The following RRP12 variants were observed in gnomAD, a reference collection of about 807,000 sequenced individuals.
The protein encoded by RRP12 is ribosomal RNA processing 12 homolog.
A neutral mutation model predicts 157.3 loss-of-function variants in RRP12; 78 were observed. The ratio of observed to expected loss-of-function variants is 0.50; its 90% CI spans 0.41 to 0.60. The LOEUF is 0.60. RRP12 is among the 20% of genes least tolerant of loss of function. The pLI is 0.00. For missense variants in RRP12, 1,521 were observed against 1,679.9 expected, an observed-to-expected ratio of 0.91 and a Z score of 1.65; for synonymous variants, 726 against 670.9, an observed-to-expected ratio of 1.08 and a Z score of -1.27.
chr10:97,375,925 G>A (rs966402007), intron 15 of RRP12, among the ~76,000 whole-genome samples: 5 of 152,258 alleles, frequency 3.3e-5, no homozygotes, highest in African/African-American at 9.6e-5. Context: ...CCAACATGGC[G>A]AAAACTTGTC....
rs763314972 is a variant in RRP12 at position 97,400,479 on chromosome 10, C to A, written c.195G>T (p.Gly65=). Reference sequence around the variant, plus strand: ...CTTCGCTTTTGCCCAAGCGCAAGGACCCTGACTGCAGCTCATTATGTAACT... The same window carrying A: ...CTTCGCTTTTGCCCAAGCGCAAGGAACCTGACTGCAGCTCATTATGTAACT... ...AVKLHNELQS[G]SLRLGKSEAP... is the part of the protein sequence containing the mutation. Residue 65 remains glycine (G), a synonymous_variant, in exon 2 of 34, where the codon GGG becomes GGT. Transcript: ENST00000370992. The A allele has an allele frequency of 1.2e-5, 19 of 1,614,012 alleles. No homozygotes were observed. Among genetic ancestry groups the A allele is most frequent in the East Asian group, 1.1e-4 (5 of 44,902 alleles).
chr10:97,396,741 G>A (rs1039943945), intron 2 of RRP12, among the ~76,000 whole-genome samples: 4 of 152,038 alleles, frequency 2.6e-5, no homozygotes, highest in African/African-American at 9.7e-5. Flanking sequence ...TAGTATTTGT[G>A]TATAACCTAT....
chr10:97,373,428 C>T (rs1180622766), intron 17 of RRP12, 147 bp downstream of exon 17: 2 of 1,059,110 alleles, frequency 1.9e-6, no homozygotes, highest in South Asian at 1.7e-5. Flanking sequence ...AAAGTTATCC[C>T]CTGGGGTCTG....
At chr10:97,365,789 GGAA>G in intron 29 of RRP12, 1 of 254,940 alleles carries the variant, frequency 3.9e-6, no homozygotes, top group South Asian at 5.0e-5. Flanking sequence ...AAAAGAGGAA[GGAA>G]GAAAAGGAGA....
intron 21 of RRP12, 54 bp downstream of exon 21, chr10:97,370,869 T>C: frequency 6.2e-7 from 1 of 1,611,020 alleles, no homozygotes; most frequent in South Asian, 1.1e-5. Flanking sequence ...AGTGGCTCCT[T>C]TCCTGGTGTT....
intron 26 of RRP12, 45 bp downstream of exon 26, chr10:97,366,996 C>T (rs746876909): frequency 5.0e-6 from 8 of 1,610,584 alleles, no homozygotes; most frequent in East Asian, 4.5e-5. Context: ...TGGAAATCCT[C>T]GGCCCCTCGC....
chr10:97,382,483 T>C (rs1298062761), intron 10 of RRP12, among the ~76,000 whole-genome samples: 1 of 152,204 alleles, frequency 6.6e-6, no homozygotes, highest in Non-Finnish European at 1.5e-5. Context: ...TACCAATCAC[T>C]GATATAACAT....
At chr10:97,388,850 A>C (rs1844714175) in intron 6 of RRP12, among the ~76,000 whole-genome samples, 1 of 152,176 alleles carries the variant, frequency 6.6e-6, no homozygotes. Context: ...TAACTCACCA[A>C]ATGGCCTTAA....
At position 97,370,961 on chromosome 10, in the gene RRP12, G is replaced by A. The variant is rs186914868; in HGVS notation, c.2464C>T (p.Leu822=). Residue 822 remains leucine (L), a synonymous_variant, in exon 21 of 34, where the codon CTG becomes TTG. Transcript: ENST00000370992. Reference sequence around the variant, plus strand: ...GAGGAGGTGCTCCGCAGCGAGTCCAGCAGTGTCTTCTTCAGGTCCTCCAGG... The same window carrying A: ...GAGGAGGTGCTCCGCAGCGAGTCCAACAGTGTCTTCTTCAGGTCCTCCAGG... ...SHLEDLKKTL[L]DSLRSTSSPA... 3.7e-6 allele frequency: 6 copies of A among 1,614,066 alleles called. No homozygotes were observed. Among genetic ancestry groups the A allele is most frequent in the Non-Finnish European group, 5.1e-6 (6 of 1,180,000 alleles).
intron 23 of RRP12, 48 bp from the exon 24 acceptor site, chr10:97,370,322 A>AG (rs139369832): frequency 0.032 from 46,122 of 1,435,042 alleles, 934 homozygotes; most frequent in Middle Eastern, 0.06. Flanking sequence ...CCCACCAGGT[A>AG]GGGGGGCTGA....
chr10:97,400,258 T>G, intron 2 of RRP12, 47 bp downstream of exon 2: 1 of 1,403,148 alleles, frequency 7.1e-7, no homozygotes, highest in South Asian at 1.2e-5. Context: ...AAGGCATGAG[T>G]TGGCCTCTCC....
In RRP12 at chr10:97,390,759, A is replaced by G; in HGVS notation, c.616T>C (p.Ser206Pro). 4 of 1,612,856 alleles carry G rather than the reference A, an allele frequency of 2.5e-6. No homozygotes were observed. Among genetic ancestry groups the G allele is most frequent in the Non-Finnish European group, 3.4e-6 (4 of 1,178,792 alleles). The change falls in exon 5 of 34, where the codon TCC becomes CCC. Residue 206 changes from serine (S) to proline (P), a missense_variant. Coordinates refer to ENST00000370992, the MANE Select transcript of RRP12 (RefSeq NM_015179.4). Reference sequence around the variant, plus strand: ...CTAACCCATCGGAGGACAGAGGTGGAGCCGCTGCTGGCCTGAGCTGACATG... The same window carrying G: ...CTAACCCATCGGAGGACAGAGGTGGGGCCGCTGCTGGCCTGAGCTGACATG... ...DIMSAQASSGSTSVLRWVLSC... is the reference protein window; with the variant it reads ...DIMSAQASSGPTSVLRWVLSC...
chr10:97,367,566 A>G (rs1384110120), intron 25 of RRP12, among the ~76,000 whole-genome samples: 4 of 152,148 alleles, frequency 2.6e-5, no homozygotes, highest in Non-Finnish European at 5.9e-5. Flanking sequence ...CTTTGCCCCT[A>G]GCACCCCAAG....
chr10:97,376,309 G>A (rs1281950082), intron 15 of RRP12, among the ~76,000 whole-genome samples: 5 of 143,976 alleles, frequency 3.5e-5, no homozygotes. Flanking sequence ...CTGCTTCCTG[G>A]GTGCAAACGA....
intron 19 of RRP12, 127 bp from the exon 20 acceptor site, chr10:97,372,293 A>G: frequency 1.6e-6 from 1 of 623,374 alleles, no homozygotes; most frequent in Non-Finnish European, 2.8e-6. Context: ...GGCTTGAAGG[A>G]GCTCATGAAC....
chr10:97,383,579 C>G (rs1309684719), intron 10 of RRP12, among the ~76,000 whole-genome samples: 1 of 152,264 alleles, frequency 6.6e-6, no homozygotes, highest in East Asian at 1.9e-4. Flanking sequence ...AGGCCCTTGC[C>G]TCCCTCCATG....
intron 30 of RRP12, among the ~76,000 whole-genome samples, chr10:97,362,470 A>C (rs1843870443): frequency 6.6e-6 from 1 of 152,176 alleles, no homozygotes; most frequent in Non-Finnish European, 1.5e-5. Flanking sequence ...AGAAACAAAG[A>C]CTTGAGCCCA....
chr10:97,357,890 C>T (rs1436370449), intron 33 of RRP12, among the ~76,000 whole-genome samples: 2 of 149,124 alleles, frequency 1.3e-5, no homozygotes, highest in Non-Finnish European at 3.0e-5. Flanking sequence ...ACCCGGGAGG[C>T]AGAGCTTGCA....
At chr10:97,365,135 C>T (rs931483247) in intron 29 of RRP12, among the ~76,000 whole-genome samples, 4 of 152,068 alleles carry the variant, frequency 2.6e-5, no homozygotes, top group Admixed American at 6.6e-5. Context: ...CGAGCGGCTG[C>T]AGTCGTGTGG....
Sources: allele counts gnomAD v4.1 joint callset (sites outside exome capture counted in the v4.1 genomes callset), GRCh38; gene constraint gnomAD v4.1.1; transcripts MANE v1.5; gene names NCBI Gene and HGNC (gene_info 2026-07-23, HGNC 2026-07-21).